VDR: variants seen among roughly 807,000 people sequenced by gnomAD.
The protein encoded by VDR is vitamin D3 receptor.
In VDR, 19 loss-of-function variants were observed where a neutral mutation model predicts 39.7. The observed-to-expected ratio is 0.48, with a 90% CI of 0.33 to 0.70. VDR has a LOEUF of 0.70. Ranked by LOEUF, VDR falls within the 30% of genes least tolerant of loss-of-function variation. The pLI, the probability that VDR is intolerant of heterozygous loss-of-function variation, is 0.02. For missense variants in VDR, 442 were observed against 570.5 expected, an observed-to-expected ratio of 0.77 and a Z score of 2.29; for synonymous variants, 242 against 215.8, an observed-to-expected ratio of 1.12 and a Z score of -1.07.
At chr12:47,899,367 G>A (rs1946518643) in intron 1 of VDR, among the ~76,000 whole-genome samples, 1 of 152,244 alleles carries the variant, frequency 6.6e-6, no homozygotes, top group Non-Finnish European at 1.5e-5. Context: ...AGGGCCTACT[G>A]TGTGCCAGGC....
chr12:47,856,499 C>T (rs368555873), intron 6 of VDR, among the ~76,000 whole-genome samples: 6 of 151,802 alleles, frequency 4.0e-5, no homozygotes, highest in East Asian at 1.9e-4. Flanking sequence ...CTATGCAGCC[C>T]TTAAAAATTA....
Position 47,844,637 on chromosome 12 carries a change from C to CTGAA in VDR, c.*105_*108dup. 6.7e-7 allele frequency: 1 copy of CTGAA among 1,500,022 alleles called. No homozygotes were observed. Among genetic ancestry groups the CTGAA allele is most frequent in the Non-Finnish European group, 9.1e-7 (1 of 1,096,658 alleles). The allele number at this position is 1,500,022 out of a possible 1,614,324, so 92.9% of individuals were successfully genotyped here. On this transcript the variant is annotated 3_prime_UTR_variant, in exon 10 of 10. Coordinates refer to ENST00000549336, the MANE Select transcript of VDR (RefSeq NM_000376.3). ...GATAGGGGAGGTGGCAGAGGAGGGG[C>CTGAA]TGAACCCCAGACGGGGTGAGGAGGG...
At chr12:47,886,256 G>A (rs1226012161) in intron 1 of VDR, among the ~76,000 whole-genome samples, 6 of 152,180 alleles carry the variant, frequency 3.9e-5, no homozygotes, top group African/African-American at 1.2e-4. Flanking sequence ...GTACTTGTGC[G>A]TACACACCCT....
chr12:47,870,650 T>C (rs1016797135), intron 3 of VDR, among the ~76,000 whole-genome samples: 1 of 152,148 alleles, frequency 6.6e-6, no homozygotes, highest in Non-Finnish European at 1.5e-5. Flanking sequence ...CCTGGGACAG[T>C]TGGGCCTTTC....
At chr12:47,879,856 T>G (rs887875038) in intron 2 of VDR, among the ~76,000 whole-genome samples, 4 of 152,198 alleles carry the variant, frequency 2.6e-5, no homozygotes, top group African/African-American at 9.7e-5. Context: ...TTTTCAGAGA[T>G]GGTTTTTCTA....
intron 1 of VDR, among the ~76,000 whole-genome samples, chr12:47,892,200 G>A (rs1332808202): frequency 6.6e-6 from 1 of 152,190 alleles, no homozygotes; most frequent in African/African-American, 2.4e-5. Flanking sequence ...GCAGGGCTGG[G>A]CTAACTCTCC....
chr12:47,886,902 T>A (rs948860124), intron 1 of VDR, among the ~76,000 whole-genome samples: 7 of 152,188 alleles, frequency 4.6e-5, no homozygotes, highest in African/African-American at 1.4e-4. Flanking sequence ...TAGCTTTCAA[T>A]GGCTCCTCCT....
intron 1 of VDR, among the ~76,000 whole-genome samples, chr12:47,883,456 T>C (rs914191186): frequency 1.3e-5 from 2 of 152,206 alleles, no homozygotes; most frequent in Admixed American, 6.5e-5. Context: ...TCCCCAGACA[T>C]GCTCAACACC....
chr12:47,866,138 C>G (rs1389797573), intron 3 of VDR, among the ~76,000 whole-genome samples: 1 of 148,052 alleles, frequency 6.8e-6, no homozygotes, highest in African/African-American at 2.5e-5. Context: ...GATGGAGTCT[C>G]GCTCTGTCGC....
intron 9 of VDR, 43 bp from the exon 10 acceptor site, chr12:47,845,048 C>G (rs370232745): frequency 6.2e-7 from 1 of 1,603,448 alleles, no homozygotes; most frequent in Non-Finnish European, 8.5e-7. Flanking sequence ...GAGCTCTCAG[C>G]TGGGCCCCTC....
intron 4 of VDR, among the ~76,000 whole-genome samples, chr12:47,859,861 C>T (rs1467568638): frequency 2.3e-5 from 1 of 43,048 alleles, no homozygotes; most frequent in East Asian, 3.9e-4. Flanking sequence ...TTCCTTCCTT[C>T]CTTCTTTCCT....
chr12:47,882,188 C>T (rs1391458098), intron 2 of VDR, among the ~76,000 whole-genome samples: 1 of 152,062 alleles, frequency 6.6e-6, no homozygotes, highest in African/African-American at 2.4e-5. Context: ...GGGGTGAAGG[C>T]TGGAAAGGCT....
intron 2 of VDR, among the ~76,000 whole-genome samples, chr12:47,879,759 T>A (rs967480284): frequency 6.6e-6 from 1 of 152,190 alleles, no homozygotes; most frequent in African/African-American, 2.4e-5. Flanking sequence ...TTTCAAGATA[T>A]TTCCCCCCCC....
chr12:47,886,804 G>A (rs546653765), intron 1 of VDR, among the ~76,000 whole-genome samples: 22 of 152,262 alleles, frequency 1.4e-4, no homozygotes, highest in African/African-American at 5.3e-4. Flanking sequence ...TTTCCTAGTG[G>A]AGAACCACCT....
At chr12:47,860,142 T>C (rs1283194055) in intron 4 of VDR, among the ~76,000 whole-genome samples, 2 of 151,928 alleles carry the variant, frequency 1.3e-5, no homozygotes, top group Non-Finnish European at 2.9e-5. Flanking sequence ...TTTTTTGTAT[T>C]TTTAGTAGAG....
At chr12:47,866,818 C>T (rs575741341) in intron 3 of VDR, among the ~76,000 whole-genome samples, 266 of 151,286 alleles carry the variant, frequency 1.8e-3, no homozygotes, top group Non-Finnish European at 2.9e-3. Flanking sequence ...GCCAAAACTC[C>T]GTCTCTACTA....
intron 3 of VDR, chr12:47,878,709 G>T: frequency 1.2e-5 from 7 of 590,800 alleles, no homozygotes; most frequent in South Asian, 1.1e-4. Flanking sequence ...TGGGTTACAG[G>T]CGTAATGGAA....
At position 47,894,142 on chromosome 12, in the gene VDR, A is replaced by T. The variant is rs369561546; in HGVS notation, c.-84+10813T>A. Among the ~76,000 whole-genome samples, 7 of 152,304 alleles carry T rather than the reference A, an allele frequency of 4.6e-5. 1 individual carries two copies. In the South Asian group the frequency reaches 8.3e-4, roughly 18 times the overall value. ...GGGGGCAAAGACAGAACAGATTTAA[A>T]CCACAGGGTACTTTCCATAAATGCT... On this transcript the variant is annotated intron_variant, in intron 1 of 9. Transcript: ENST00000549336.
intron 1 of VDR, chr12:47,904,462 T>TTAAAAAA: frequency 2.8e-6 from 1 of 357,636 alleles, no homozygotes; most frequent in African/African-American, 4.3e-5. Context: ...CAAAGAAAAG[T>TTAAAAAA]AAAAAAAAAA....
Sources: gnomAD v4.1 joint callset for allele counts (sites outside exome capture counted in the v4.1 genomes callset) on GRCh38, gnomAD v4.1.1 for gene constraint, MANE v1.5 for transcripts, NCBI Gene and HGNC (gene_info 2026-07-23, HGNC 2026-07-21) for gene names.